ITPR2: variants seen among roughly 807,000 people sequenced by gnomAD.
The protein encoded by ITPR2 is inositol 1,4,5-trisphosphate-gated calcium channel ITPR2.
In ITPR2, 207 loss-of-function variants were observed where a neutral mutation model predicts 317.1. The ratio of observed to expected loss-of-function variants is 0.65; its 90% CI spans 0.58 to 0.73. The LOEUF (loss-of-function observed/expected upper bound fraction) is 0.73. Among genes scored for constraint, ITPR2 ranks in the 30% least tolerant of loss-of-function variants. The pLI, the probability that ITPR2 is intolerant of heterozygous loss-of-function variation, is 0.00. For synonymous variants in ITPR2, 1,156 were observed against 1,149.1 expected (o/e 1.01, Z -0.12); for missense variants, 2,613 against 3,284.0 (o/e 0.80, Z 4.99).
chr12:26,718,150 TGC>T (rs1948773462), intron 5 of ITPR2, among the ~76,000 whole-genome samples: 1 of 152,202 alleles, frequency 6.6e-6, no homozygotes, highest in African/African-American at 2.4e-5. Flanking sequence ...GGTATACATG[TGC>T]CCTGATGGCT....
intron 55 of ITPR2, among the ~76,000 whole-genome samples, chr12:26,342,129 C>G (rs1257834533): frequency 9.2e-5 from 14 of 152,104 alleles, no homozygotes; most frequent in Admixed American, 9.2e-4. Context: ...AGGCAGAAAG[C>G]TGGACTGACA....
chr12:26,679,164 C>A (rs569186763), intron 13 of ITPR2, among the ~76,000 whole-genome samples: 40 of 152,240 alleles, frequency 2.6e-4, no homozygotes, highest in Admixed American at 2.2e-3. Context: ...CTGCTTCCGG[C>A]CTTTATTCAT....
chr12:26,443,644 G>T lies in ITPR2; in HGVS notation c.6349C>A (p.Arg2117Ser), dbSNP rs200512907. 45 of 1,612,166 alleles carry T rather than the reference G, an allele frequency of 2.8e-5. 1 individual carries two copies. In the South Asian group the frequency reaches 4.9e-4, roughly 18 times the overall value. Residue 2117 changes from arginine to serine, a missense_variant, in exon 46 of 57, where the codon CGC becomes AGC. Physicochemically the swap from Arg to Ser is moderately radical, Grantham distance 110. Around this residue, in one of 9 missense-constraint regions of ITPR2, gnomAD observed 926 missense variants for 1,072.8 expected, o/e 0.86. Transcript: ENST00000381340. ...NIYILAHQLA[R>S]HNKLLQQMLK... Reference sequence around the variant, plus strand: ...ATCTGCTGCAACAGTTTATTGTGGCGGGCCAACTAGAGTAGGGAAAAAATA... The same window carrying T: ...ATCTGCTGCAACAGTTTATTGTGGCTGGCCAACTAGAGTAGGGAAAAAATA...
intron 9 of ITPR2, 50 bp downstream of exon 9, chr12:26,711,114 CTGCCTCTTT>C: frequency 8.5e-7 from 1 of 1,171,582 alleles, no homozygotes; most frequent in South Asian, 1.2e-5. Context: ...GCGAACCCAA[CTGCCTCTTT>C]CACTAATTCA....
chr12:26,812,876 T>C (rs1950781030), intron 1 of ITPR2, among the ~76,000 whole-genome samples: 1 of 152,240 alleles, frequency 6.6e-6, no homozygotes, highest in Non-Finnish European at 1.5e-5. Flanking sequence ...CTATCAAACA[T>C]CTATTTATTC....
rs1951148503 is a variant in ITPR2 at position 26,833,180 on chromosome 12, G to T, written c.-399C>A. 1 of 210,972 alleles carries T rather than the reference G, an allele frequency of 4.7e-6. No homozygotes were observed. Among genetic ancestry groups the T allele is most frequent in the Non-Finnish European group, 9.3e-6 (1 of 107,078 alleles). 13.1% of individuals were successfully genotyped at this position (210,972 alleles called of 1,614,324 possible). ...GCGACCCGCTGCGGCCGTCACAGCCGCCCGGCGGGAGCTGGAAGTGGCCGA... is the reference window on the plus strand; with the variant it reads ...GCGACCCGCTGCGGCCGTCACAGCCTCCCGGCGGGAGCTGGAAGTGGCCGA... On this transcript the variant is annotated 5_prime_UTR_variant, in exon 1 of 57. Transcript: ENST00000381340.
chr12:26,682,430 A>G (rs1193248211), intron 12 of ITPR2, 144 bp downstream of exon 12: 1 of 610,740 alleles, frequency 1.6e-6, no homozygotes, highest in Non-Finnish European at 2.9e-6. Context: ...ACTGGCAGAC[A>G]TGCATGCTTG....
At chr12:26,504,845 A>C (rs1943150343) in intron 37 of ITPR2, among the ~76,000 whole-genome samples, 1 of 152,216 alleles carries the variant, frequency 6.6e-6, no homozygotes, top group Non-Finnish European at 1.5e-5. Flanking sequence ...TTGACAAATA[A>C]ATTATAGAAT....
intron 42 of ITPR2, among the ~76,000 whole-genome samples, chr12:26,482,441 C>A (rs1220057616): frequency 6.6e-6 from 1 of 152,182 alleles, no homozygotes; most frequent in South Asian, 2.1e-4. Flanking sequence ...AACATTCTTA[C>A]AAGCTTTCCT....
intron 49 of ITPR2, among the ~76,000 whole-genome samples, chr12:26,424,852 TG>T (rs1241673743): frequency 2.6e-5 from 4 of 152,074 alleles, no homozygotes. Context: ...CTCTACCTCC[TG>T]GGTTCAAGCG....
rs577737470 is a variant in ITPR2 at position 26,610,817 on chromosome 12, T to C, written c.3463-8111A>G. 2.6e-5 allele frequency among the ~76,000 whole-genome samples: 4 copies of C among 152,224 alleles called. No homozygotes were observed. The East Asian group carries it at 7.7e-4, about 29-fold the overall frequency. ...GTGGTTGCCATGTGCCATGCAATAG[T>C]GTTCAGGATTATGTCACAGCATCGC... On this transcript the variant is annotated intron_variant, in intron 26 of 56. Coordinates refer to ENST00000381340, the MANE Select transcript of ITPR2 (RefSeq NM_002223.4).
chr12:26,763,469 C>A (rs1250436421), intron 2 of ITPR2, among the ~76,000 whole-genome samples: 1 of 152,070 alleles, frequency 6.6e-6, no homozygotes, highest in Admixed American at 6.6e-5. Context: ...GATACATACA[C>A]ATGTGATAAA....
intron 26 of ITPR2, among the ~76,000 whole-genome samples, chr12:26,617,451 CCAGA>C (rs1301221254): frequency 3.3e-5 from 5 of 152,014 alleles, no homozygotes; most frequent in Non-Finnish European, 7.4e-5. Context: ...AATATCATGT[CCAGA>C]CAGTTTTGCA....
chr12:26,587,539 A>G (rs1197607983), intron 32 of ITPR2, among the ~76,000 whole-genome samples: 4 of 152,150 alleles, frequency 2.6e-5, no homozygotes, highest in Non-Finnish European at 5.9e-5. Context: ...GAGGAGTAGC[A>G]AGGAGGCCAC....
intron 13 of ITPR2, 81 bp from the exon 14 acceptor site, chr12:26,666,132 G>GTA: frequency 3.4e-6 from 1 of 293,028 alleles, no homozygotes; most frequent in Non-Finnish European, 5.1e-6. Flanking sequence ...AGGTAGGTAG[G>GTA]TAGAGATAGA....
At chr12:26,799,118 A>G (rs1193602964) in intron 1 of ITPR2, among the ~76,000 whole-genome samples, 3 of 152,238 alleles carry the variant, frequency 2.0e-5, no homozygotes, top group Non-Finnish European at 4.4e-5. Context: ...TCAATCAAGC[A>G]TAGGTTTGTT....
chr12:26,491,416 G>A (rs74459813), intron 39 of ITPR2, among the ~76,000 whole-genome samples: 11,632 of 148,136 alleles, frequency 0.079, 1,204 homozygotes, highest in East Asian at 0.46. Flanking sequence ...CCAGGAGGCG[G>A]AGTTTGCAGT....
chr12:26,422,561 T>C (rs1017847029), intron 49 of ITPR2, among the ~76,000 whole-genome samples: 1 of 152,170 alleles, frequency 6.6e-6, no homozygotes, highest in African/African-American at 2.4e-5. Context: ...ACATATAAAA[T>C]GAAATGCCTA....
intron 9 of ITPR2, among the ~76,000 whole-genome samples, chr12:26,699,329 C>T (rs993085002): frequency 2.0e-5 from 3 of 152,152 alleles, no homozygotes; most frequent in Non-Finnish European, 2.9e-5. Context: ...TAGGATTACC[C>T]GTCCCTGACT....
Sources: allele counts gnomAD v4.1 joint callset (sites outside exome capture counted in the v4.1 genomes callset), GRCh38; gene constraint gnomAD v4.1.1; regional missense constraint gnomAD v4.1.1; transcripts MANE v1.5; gene names NCBI Gene and HGNC (gene_info 2026-07-23, HGNC 2026-07-21).